BEND2: variants seen among roughly 807,000 people sequenced by gnomAD.
BEND2 encodes the protein BEN domain containing 2, also known as BEN domain-containing protein 2.
BEND2 carries 19 observed loss-of-function variants against 43.8 expected under a neutral mutation model. The observed-to-expected ratio is 0.43, with a 90% CI of 0.30 to 0.64. The LOEUF is 0.64. BEND2 is among the 30% of genes least tolerant of loss of function. The pLI is 0.11. For missense variants in BEND2, 544 were observed against 574.0 expected, an observed-to-expected ratio of 0.95 and a Z score of 0.53; for synonymous variants, 226 against 210.1, an observed-to-expected ratio of 1.08 and a Z score of -0.66.
chrX:18,199,063 GA>G lies in BEND2; in HGVS notation c.1033+2751del, dbSNP rs1219588153. Among the ~76,000 whole-genome samples, 6 of 63,538 alleles carry G rather than the reference GA, an allele frequency of 9.4e-5. No homozygotes were observed. In the Admixed American group the frequency reaches 1.5e-3, roughly 16 times the overall value. The allele number at this position is 63,538 out of a possible 115,157, so 55.2% of individuals were successfully genotyped here. ...TCTGGGGACTGTTGTGGGGTGGGGG[GA>G]GGGGGGAGGGATAGCATCAGGAGAT... On this transcript the variant is annotated intron_variant, in intron 6 of 13. Coordinates refer to ENST00000380033, the MANE Select transcript of BEND2 (RefSeq NM_153346.5).
chrX:18,200,520 A>G lies in BEND2; in HGVS notation c.1033+1295T>C, dbSNP rs761928670. On this transcript the variant is annotated intron_variant, in intron 6 of 13. Transcript: ENST00000380033. ...TCTGTCTCAAAAAAAAAAAAAAAAA[A>G]AAGAAGAAAAGAAAGGAGGGAACTC... Among the ~76,000 whole-genome samples the G allele has an allele frequency of 7.2e-3, 783 of 109,096 alleles. 13 individuals are homozygous for G. Among genetic ancestry groups the G allele is most frequent in the African/African-American group, 0.022 (659 of 30,060 alleles). 94.7% of individuals were successfully genotyped at this position (109,096 alleles called of 115,157 possible). A position where few individuals can be genotyped will look rare whatever the true frequency, so the allele number is the denominator to read the frequency against.
intron 12 of BEND2, 125 bp downstream of exon 12, chrX:18,173,905 T>A: frequency 1.7e-6 from 1 of 578,105 alleles, no homozygotes; most frequent in Non-Finnish European, 2.7e-6. Context: ...CACTTTCTGA[T>A]GAAATTTCTC....
chrX:18,204,008 G>C, intron 4 of BEND2, 93 bp from the exon 5 acceptor site: 1 of 874,122 alleles, frequency 1.1e-6, no homozygotes, highest in Non-Finnish European at 1.6e-6. Context: ...AAACTTTTTT[G>C]TGTAAATCCA....
At chrX:18,174,339 A>G (rs1404600151) in intron 11 of BEND2, 81 bp from the exon 12 acceptor site, 8 of 897,146 alleles carry the variant, frequency 8.9e-6, no homozygotes, top group Non-Finnish European at 1.3e-5. Context: ...TACCAGGCCC[A>G]CCAGGTTGCT....
chrX:18,208,948 A>G (rs1925424955), intron 4 of BEND2, among the ~76,000 whole-genome samples: 1 of 110,896 alleles, frequency 9.0e-6, no homozygotes, highest in African/African-American at 3.3e-5. Context: ...CTCCTTAGAG[A>G]ACAGTTTAAT....
At chrX:18,202,390 T>G (rs1430569898) in intron 5 of BEND2, among the ~76,000 whole-genome samples, 1 of 112,176 alleles carries the variant, frequency 8.9e-6, no homozygotes, top group Non-Finnish European at 1.9e-5. Context: ...AAAATTCAGG[T>G]GTTGCCAATG....
chrX:18,170,188 G>A, intron 13 of BEND2, among the ~76,000 whole-genome samples: 1 of 111,965 alleles, frequency 8.9e-6, no homozygotes, highest in East Asian at 2.8e-4. Context: ...GAAAACACTG[G>A]AATGTAACAC....
intron 4 of BEND2, among the ~76,000 whole-genome samples, chrX:18,204,530 A>G (rs1925269989): frequency 8.9e-6 from 1 of 112,580 alleles, no homozygotes; most frequent in Non-Finnish European, 1.9e-5. Flanking sequence ...AAATTCTATT[A>G]TATTTAAAAA....
chrX:18,181,150 A>G (rs1924372020), intron 8 of BEND2, among the ~76,000 whole-genome samples: 1 of 111,785 alleles, frequency 8.9e-6, no homozygotes, highest in Non-Finnish European at 1.9e-5. Context: ...AGAAAGATGC[A>G]TGTGGAGAAA....
chrX:18,165,116 C>T lies in BEND2; in HGVS notation c.2293G>A (p.Val765Ile), dbSNP rs930593539. Residue 765 changes from valine to isoleucine, a missense_variant, in exon 14 of 14, where the codon GTC (valine) becomes ATC (isoleucine). Transcript: ENST00000380033. ...TGAGACCTGGCTTCAGCCCTTCTGA[C>T]GTCATGTCTAAGGCTACGGATACCG... ...NSGIRSLRHD[V>I]RRAEARSQSL... 14 of 1,208,240 alleles carry T rather than the reference C, an allele frequency of 1.2e-5. No individual in the cohort carries two copies. The highest frequency in any genetic ancestry group is 5.3e-5 in the African/African-American group (3 of 57,019).
intron 7 of BEND2, among the ~76,000 whole-genome samples, chrX:18,193,995 G>A (rs1312053198): frequency 9.0e-6 from 1 of 111,487 alleles, no homozygotes; most frequent in African/African-American, 3.3e-5. Flanking sequence ...CTCACAAAAT[G>A]GAAAATTAAA....
chrX:18,192,065 A>G (rs994755974), intron 7 of BEND2, among the ~76,000 whole-genome samples: 60 of 112,396 alleles, frequency 5.3e-4, no homozygotes, highest in African/African-American at 1.9e-3. Flanking sequence ...TATAGCAAGT[A>G]TCATTTCAAT....
chrX:18,177,822 C>G (rs1197386056), intron 9 of BEND2, 53 bp from the exon 10 acceptor site: 3 of 996,605 alleles, frequency 3.0e-6, no homozygotes, highest in Non-Finnish European at 4.2e-6. Context: ...TGCAAGGGTA[C>G]CCTCAAAGTA....
At chrX:18,179,251 C>T (rs772124302) in intron 9 of BEND2, among the ~76,000 whole-genome samples, 21 of 100,128 alleles carry the variant, frequency 2.1e-4, no homozygotes, top group Non-Finnish European at 3.0e-4. Flanking sequence ...CTCAAACTTC[C>T]GGGCTGCTCA....
At chrX:18,201,556 G>A (rs1054234779) in intron 6 of BEND2, among the ~76,000 whole-genome samples, 1 of 108,115 alleles carries the variant, frequency 9.2e-6, no homozygotes. Flanking sequence ...TAAGTGGCAT[G>A]ATCCCAGCTC....
chrX:18,178,654 G>C (rs1346925421), intron 9 of BEND2, among the ~76,000 whole-genome samples: 1 of 110,457 alleles, frequency 9.1e-6, no homozygotes, highest in Non-Finnish European at 1.9e-5. Flanking sequence ...TTCCTGACAA[G>C]TGACATTTAT....
At chrX:18,174,336 C>A in intron 11 of BEND2, 78 bp from the exon 12 acceptor site, 1 of 923,383 alleles carries the variant, frequency 1.1e-6, no homozygotes. Context: ...ACCTACCAGG[C>A]CCACCAGGTT....
Position 18,188,775 on chromosome X carries a change from G to A in BEND2, c.1288+2226C>T, listed in dbSNP as rs747936805. On this transcript the variant is annotated intron_variant, in intron 8 of 13. Transcript: ENST00000380033. ...AGGAATACTTCAAAATTCATTATAC[G>A]AGGTCAGTATTACCCTGATACCAAA... is the stretch of plus-strand genomic sequence containing the variant. Among the ~76,000 whole-genome samples, 70 of 111,724 alleles carry A rather than the reference G, an allele frequency of 6.3e-4. No homozygotes were observed. The Middle Eastern group carries it at 0.018, about 29-fold the overall frequency.
Position 18,182,764 on chromosome X carries a change from G to A in BEND2, c.1289-2114C>T, listed in dbSNP as rs139834559. On this transcript the variant is annotated intron_variant, in intron 8 of 13. Transcript: ENST00000380033. ...GACAGGACAACCTTACAGAGGCCGG[G>A]CACGGGGGGCTTATGCCTGTAATCC... Among the ~76,000 whole-genome samples, 537 of 111,323 alleles carry A rather than the reference G, an allele frequency of 4.8e-3. 3 individuals are homozygous for A. Among genetic ancestry groups the A allele is most frequent in the African/African-American group, 0.017 (507 of 30,621 alleles).
Sources: gnomAD v4.1 joint callset for allele counts (sites outside exome capture counted in the v4.1 genomes callset) on GRCh38, gnomAD v4.1.1 for gene constraint, MANE v1.5 for transcripts, NCBI Gene and HGNC (gene_info 2026-07-23, HGNC 2026-07-21) for gene names.